Variants in CPNE9 observed in about 807,000 individuals in gnomAD.
The protein encoded by CPNE9 is copine family member 9, also known as copine-9.
CPNE9 carries 59 observed loss-of-function variants against 83.0 expected under a neutral mutation model. The ratio of observed to expected loss-of-function variants is 0.71; its 90% confidence interval spans 0.58 to 0.88. CPNE9 has a LOEUF of 0.88. CPNE9 is among the 40% of genes least tolerant of loss of function. CPNE9 has a pLI of 0.00. For synonymous variants in CPNE9, 256 were observed against 273.4 expected (o/e 0.94, Z 0.63); for missense variants, 619 against 720.8 (o/e 0.86, Z 1.62).
intron 19 of CPNE9, 57 bp from the exon 20 acceptor site, chr3:9,727,056 G>T (rs371123681): frequency 3.2e-6 from 5 of 1,579,396 alleles, no homozygotes; most frequent in Non-Finnish European, 4.4e-6. Context: ...AAGGGAGGGG[G>T]CAGCATGGGG....
At chr3:9,726,825 C>A in intron 19 of CPNE9, 103 bp downstream of exon 19, 5 of 1,046,944 alleles carry the variant, frequency 4.8e-6, no homozygotes, top group South Asian at 2.7e-5. Flanking sequence ...AAGGTAGACA[C>A]CCCCGTGTGA....
chr3:9,707,363 A>G (rs1463257224), intron 7 of CPNE9, among the ~76,000 whole-genome samples: 2 of 150,624 alleles, frequency 1.3e-5, no homozygotes, highest in Non-Finnish European at 3.0e-5. Context: ...AAAAAAAAAA[A>G]AAAAAAAAAA....
intron 11 of CPNE9, 100 bp from the exon 12 acceptor site, chr3:9,715,189 G>A (rs2076669778): frequency 2.2e-6 from 3 of 1,334,122 alleles, no homozygotes; most frequent in African/African-American, 2.9e-5. Flanking sequence ...CTGCCCTGCA[G>A]CCTAAGTAGG....
At chr3:9,721,960 C>A (rs708575) in intron 17 of CPNE9, among the ~76,000 whole-genome samples, 1 of 151,750 alleles carries the variant, frequency 6.6e-6, no homozygotes, top group Non-Finnish European at 1.5e-5. Flanking sequence ...ACTCTGTCAC[C>A]CAGGCTGGAG....
intron 8 of CPNE9, 51 bp from the exon 9 acceptor site, chr3:9,712,674 G>A: frequency 6.2e-7 from 1 of 1,607,056 alleles, no homozygotes. Context: ...TGGACTGTCT[G>A]AAGGCTATGG....
intron 4 of CPNE9, 45 bp from the exon 5 acceptor site, chr3:9,705,419 T>TCGC: frequency 1.5e-6 from 1 of 662,642 alleles, no homozygotes; most frequent in Non-Finnish European, 2.7e-6. Flanking sequence ...TTCCACCCTC[T>TCGC]CCCCCACCCA....
chr3:9,729,679 C>T lies in CPNE9; in HGVS notation c.1649C>T (p.Pro550Leu). Residue 550 changes from proline (P) to leucine (L), a missense_variant, in exon 21 of 21, where the codon CCA (proline) becomes CTA (leucine). Around this residue, in one of 3 missense-constraint regions of CPNE9, gnomAD observed 51 missense variants for 40.4 expected, o/e 1.26. Transcript: ENST00000383832. Reference sequence around the variant, plus strand: ...GCCAACCCCAGCCCGATCCCAGCTCCAGAGCAGCCCTGAGGATTCCACATA... The same window carrying T: ...GCCAACCCCAGCCCGATCCCAGCTCTAGAGCAGCCCTGAGGATTCCACATA... ...PPANPSPIPA[P>L]EQP 2 of 1,613,472 alleles carry T rather than the reference C, an allele frequency of 1.2e-6. No homozygotes were observed. The highest frequency in any genetic ancestry group is 1.7e-6 in the Non-Finnish European group (2 of 1,179,590).
At chr3:9,705,761 T>G (rs777722337) in intron 6 of CPNE9, 41 bp downstream of exon 6, 1 of 1,602,044 alleles carries the variant, frequency 6.2e-7, no homozygotes, top group Non-Finnish European at 8.5e-7. Context: ...GGGGTGGGGG[T>G]GGTATTGTGG....
intron 7 of CPNE9, among the ~76,000 whole-genome samples, chr3:9,710,637 T>A (rs2076617645): frequency 1.3e-5 from 2 of 152,200 alleles, no homozygotes; most frequent in Non-Finnish European, 1.5e-5. Context: ...ATAATTGTGT[T>A]TTTGTCTGGC....
Position 9,729,551 on chromosome 3 carries a change from G to A in CPNE9, c.1521G>A (p.Val507=), listed in dbSNP as rs372835737. Residue 507 remains valine (V), a synonymous_variant, in exon 21 of 21, where the codon GTG becomes GTA. Transcript: ENST00000383832. ...ATGTTGACCGGTCGGGGAACCAGGT[G>A]TTGAGCATGGCCCGACTGGCCAAGG... ...RDYVDRSGNQ[V]LSMARLAKDV... 6.2e-7 allele frequency: 1 copy of A among 1,614,110 alleles called. No homozygotes were observed. The highest frequency in any genetic ancestry group is 1.1e-5 in the South Asian group (1 of 91,068).
intron 13 of CPNE9, 26 bp downstream of exon 13, chr3:9,715,552 C>T: frequency 6.3e-7 from 1 of 1,595,344 alleles, no homozygotes; most frequent in Non-Finnish European, 8.6e-7. Context: ...AGCCGTGGCC[C>T]TCCCTGGATC....
intron 11 of CPNE9, 37 bp downstream of exon 11, chr3:9,714,992 G>C (rs374405931): frequency 1.3e-6 from 2 of 1,588,460 alleles, no homozygotes; most frequent in African/African-American, 2.7e-5. Context: ...TCCTGTACTT[G>C]ACCCAAGCAG....
rs1176793402 is a variant in CPNE9 at position 9,707,169 on chromosome 3, C to G, written c.377+1106C>G. Reference sequence around the variant, plus strand: ...GAGATCGAGACCATCCTGGCTAACACGGTGAAACCCTGTCTCTACTAAAAA... The same window carrying G: ...GAGATCGAGACCATCCTGGCTAACAGGGTGAAACCCTGTCTCTACTAAAAA... On this transcript the variant is annotated intron_variant, in intron 7 of 20. Coordinates refer to ENST00000383832, the MANE Select transcript of CPNE9 (RefSeq NM_153635.3). Among the ~76,000 whole-genome samples, 7 of 151,770 alleles carry G rather than the reference C, an allele frequency of 4.6e-5. No homozygotes were observed. In the East Asian group the frequency reaches 1.4e-3, roughly 30 times the overall value.
chr3:9,713,169 A>G, intron 10 of CPNE9, 90 bp downstream of exon 10: 1 of 998,456 alleles, frequency 1.0e-6, no homozygotes, highest in South Asian at 1.4e-5. Flanking sequence ...GTATCATAAT[A>G]GCGTTGGAGG....
rs1575138113 is a variant in CPNE9, at chr3:9,729,902, T to C, written c.*210T>C. The C allele has an allele frequency of 1.6e-6, 1 of 619,592 alleles. No homozygotes were observed. The highest frequency in any genetic ancestry group is 3.2e-5 in the Admixed American group (1 of 30,876). 38.4% of individuals were successfully genotyped at this position (619,592 alleles called of 1,614,324 possible). A position where few individuals can be genotyped will look rare whatever the true frequency, so the allele number is the denominator to read the frequency against. Reference sequence around the variant, plus strand: ...TCATGCCAATAATAAAGCTGATCTTTATTCCACCTCTGTCTCATGCATGTT... The same window carrying C: ...TCATGCCAATAATAAAGCTGATCTTCATTCCACCTCTGTCTCATGCATGTT... On this transcript the variant is annotated 3_prime_UTR_variant, in exon 21 of 21. Transcript: ENST00000383832.
At chr3:9,717,593 T>C (rs1221828970) in intron 15 of CPNE9, among the ~76,000 whole-genome samples, 1 of 152,208 alleles carries the variant, frequency 6.6e-6, no homozygotes, top group African/African-American at 2.4e-5. Flanking sequence ...TGGAGAGGGC[T>C]GGCTAGCCGG....
At chr3:9,708,779 C>A (rs996224413) in intron 7 of CPNE9, among the ~76,000 whole-genome samples, 2 of 151,918 alleles carry the variant, frequency 1.3e-5, no homozygotes, top group Non-Finnish European at 2.9e-5. Flanking sequence ...ACTACAGGCA[C>A]CCGCCACCAT....
At chr3:9,706,275 T>TTC (rs564819160) in intron 7 of CPNE9, among the ~76,000 whole-genome samples, 165 of 150,472 alleles carry the variant, frequency 1.1e-3, no homozygotes, top group African/African-American at 3.2e-3. Context: ...TTTTTTTTTT[T>TTC]TCTCTCTCTC....
chr3:9,705,216 T>C (rs1046383679), intron 4 of CPNE9, among the ~76,000 whole-genome samples: 8 of 151,684 alleles, frequency 5.3e-5, no homozygotes, highest in Admixed American at 2.0e-4. Context: ...CTATCGCAGC[T>C]CCACCTCAGG....
Sources: gnomAD v4.1 joint callset for allele counts (sites outside exome capture counted in the v4.1 genomes callset) on GRCh38, gnomAD v4.1.1 for gene constraint, gnomAD v4.1.1 regional missense constraint, MANE v1.5 for transcripts, NCBI Gene and HGNC (gene_info 2026-07-23, HGNC 2026-07-21) for gene names.